CPVL: variants seen among roughly 807,000 people sequenced by gnomAD.
CPVL encodes the protein probable serine carboxypeptidase CPVL.
A neutral mutation model predicts 63.7 loss-of-function variants in CPVL; 51 were observed. The ratio of observed to expected loss-of-function variants is 0.80; its 90% CI spans 0.64 to 1.01. The LOEUF is 1.01. CPVL is among the 50% of genes least tolerant of loss of function. The pLI, the probability that CPVL is intolerant of heterozygous loss-of-function variation, is 0.00. For missense variants in CPVL, 530 were observed against 573.1 expected (o/e 0.92, Z 0.77); for synonymous variants, 195 against 206.0 (o/e 0.95, Z 0.46).
At chr7:29,053,142 T>C (rs181610152) in intron 11 of CPVL, among the ~76,000 whole-genome samples, 39 of 152,276 alleles carry the variant, frequency 2.6e-4, no homozygotes, top group Admixed American at 1.1e-3. Context: ...AGAATCAAAA[T>C]GTCAGACAAT....
At chr7:29,069,004 T>C (rs990563689) in intron 9 of CPVL, among the ~76,000 whole-genome samples, 4 of 151,850 alleles carry the variant, frequency 2.6e-5, no homozygotes, top group African/African-American at 9.7e-5. Flanking sequence ...TTCTAATTTG[T>C]TCACCCAGAT....
intron 5 of CPVL, among the ~76,000 whole-genome samples, chr7:29,175,741 A>C (rs1797232426): frequency 6.6e-6 from 1 of 152,186 alleles, no homozygotes; most frequent in Non-Finnish European, 1.5e-5. Flanking sequence ...ACCCAAGCGG[A>C]GCACAGGGAA....
chr7:29,053,679 G>GA, intron 11 of CPVL, among the ~76,000 whole-genome samples: 1 of 152,128 alleles, frequency 6.6e-6, no homozygotes, highest in East Asian at 1.9e-4. Flanking sequence ...TGGCTGCAGA[G>GA]AAAATTGCAG....
At chr7:29,052,347 T>C (rs576769523) in intron 11 of CPVL, among the ~76,000 whole-genome samples, 10 of 150,088 alleles carry the variant, frequency 6.7e-5, no homozygotes, top group South Asian at 2.1e-4. Flanking sequence ...CACACCCAAA[T>C]TGTGAATACT....
At chr7:29,043,976 T>C (rs1384155544) in intron 11 of CPVL, among the ~76,000 whole-genome samples, 2 of 152,110 alleles carry the variant, frequency 1.3e-5, no homozygotes, top group African/African-American at 4.8e-5. Flanking sequence ...TCAGACTGTA[T>C]GGCAAACAGA....
chr7:29,147,071 G>T (rs1792831145), upstream of CPVL: 1 of 1,443,282 alleles, frequency 6.9e-7, no homozygotes, highest in Non-Finnish European at 9.3e-7. Flanking sequence ...TTTGCAATTG[G>T]GGGACACAAA....
chr7:29,027,532 T>A (rs950332587), intron 12 of CPVL, among the ~76,000 whole-genome samples: 2 of 152,074 alleles, frequency 1.3e-5, no homozygotes, highest in African/African-American at 2.4e-5. Context: ...AAAGAGCAAG[T>A]CAAACTGTTT....
intron 5 of CPVL, among the ~76,000 whole-genome samples, chr7:29,166,607 A>G (rs1244980262): frequency 1.3e-5 from 2 of 152,162 alleles, no homozygotes; most frequent in African/African-American, 4.8e-5. Context: ...GTTTCTTTCA[A>G]AGAATTTGTC....
intron 5 of CPVL, among the ~76,000 whole-genome samples, chr7:29,152,347 G>A (rs1204896899): frequency 1.3e-5 from 2 of 152,128 alleles, no homozygotes; most frequent in African/African-American, 4.8e-5. Flanking sequence ...GCTACACCTA[G>A]GAGCACCAAG....
chr7:29,082,321 G>C (rs1458773106), intron 7 of CPVL: 2 of 152,134 alleles, frequency 1.3e-5, no homozygotes, highest in Non-Finnish European at 2.9e-5. Context: ...CTGATTGTTA[G>C]ATGAAAAGCA....
At chr7:29,105,197 A>G (rs1787601608) in intron 3 of CPVL, among the ~76,000 whole-genome samples, 1 of 152,162 alleles carries the variant, frequency 6.6e-6, no homozygotes, top group Admixed American at 6.5e-5. Flanking sequence ...ATGAGTCTCC[A>G]TTCATCCATG....
intron 3 of CPVL, among the ~76,000 whole-genome samples, chr7:29,105,972 G>C (rs1225021543): frequency 6.6e-6 from 1 of 152,198 alleles, no homozygotes; most frequent in African/African-American, 2.4e-5. Context: ...CTCACAGATG[G>C]ACAAGCCCAT....
chr7:29,132,931 A>G (rs886069974), intron 1 of CPVL, among the ~76,000 whole-genome samples: 1 of 152,226 alleles, frequency 6.6e-6, no homozygotes, highest in East Asian at 1.9e-4. Flanking sequence ...AGCCCCATAC[A>G]GTCTGGCTTG....
At chr7:29,136,244 T>C (rs1030957875) in intron 1 of CPVL, among the ~76,000 whole-genome samples, 9 of 152,150 alleles carry the variant, frequency 5.9e-5, no homozygotes, top group African/African-American at 2.2e-4. Flanking sequence ...GTCAGCAAGT[T>C]TGGACAGAAG....
At chr7:29,102,143 A>G (rs1176640194) in intron 3 of CPVL, among the ~76,000 whole-genome samples, 1 of 152,160 alleles carries the variant, frequency 6.6e-6, no homozygotes, top group African/African-American at 2.4e-5. Context: ...CAGCTATGCT[A>G]TTTTGTAGCT....
intron 11 of CPVL, among the ~76,000 whole-genome samples, chr7:29,049,754 C>A (rs1789967521): frequency 6.6e-6 from 1 of 152,186 alleles, no homozygotes; most frequent in South Asian, 2.1e-4. Flanking sequence ...AACATAGACA[C>A]TAAAATCCTT....
intron 1 of CPVL, among the ~76,000 whole-genome samples, chr7:29,132,040 T>C (rs191999120): frequency 1.3e-5 from 2 of 152,258 alleles, no homozygotes; most frequent in East Asian, 3.9e-4. Context: ...GCGAGAGCTT[T>C]TAAGAAAATC....
At chr7:29,168,461 G>A (rs1307856540) in intron 5 of CPVL, among the ~76,000 whole-genome samples, 2 of 152,092 alleles carry the variant, frequency 1.3e-5, no homozygotes, top group Non-Finnish European at 2.9e-5. Flanking sequence ...CTATAATTAT[G>A]GACTCATAGT....
chr7:29,157,819 G>A (rs1326283919), intron 5 of CPVL, among the ~76,000 whole-genome samples: 3 of 148,374 alleles, frequency 2.0e-5, no homozygotes, highest in African/African-American at 4.9e-5. Context: ...GTTTCAAAGA[G>A]GCACTTAGGA....
Sources: gnomAD v4.1 joint callset for allele counts (sites outside exome capture counted in the v4.1 genomes callset) on GRCh38, gnomAD v4.1.1 for gene constraint, MANE v1.5 for transcripts, NCBI Gene and HGNC (gene_info 2026-07-23, HGNC 2026-07-21) for gene names.